Variants in MICAL3 observed in about 807,000 individuals in gnomAD.
The protein encoded by MICAL3 is microtubule associated monooxygenase, calponin and LIM domain containing 3.
In MICAL3, 62 loss-of-function variants were observed where a neutral mutation model predicts 207.4. That is an observed-to-expected ratio of 0.30 (90% CI 0.24 to 0.37). MICAL3 has a LOEUF of 0.37. Among genes scored for constraint, MICAL3 ranks in the 10% least tolerant of loss-of-function variants. MICAL3 has a pLI of 1.00. For missense variants in MICAL3, 2,368 were observed against 2,635.6 expected (o/e 0.90, Z 2.22); for synonymous variants, 1,077 against 1,069.3 (o/e 1.01, Z -0.14).
chr22:17,957,862 C>T (rs413717), intron 1 of MICAL3, among the ~76,000 whole-genome samples: 36,214 of 151,998 alleles, frequency 0.24, 4,913 homozygotes, highest in East Asian at 0.52. Flanking sequence ...GATCCCACCA[C>T]GGCAGCCTGT....
intron 19 of MICAL3, among the ~76,000 whole-genome samples, chr22:17,850,248 G>A (rs1925151113): frequency 6.6e-6 from 1 of 152,128 alleles, no homozygotes; most frequent in African/African-American, 2.4e-5. Context: ...CAAATGGGAG[G>A]GGGGCCACCC....
intron 16 of MICAL3, chr22:17,875,593 A>C (rs1160207044): frequency 7.4e-7 from 1 of 1,349,484 alleles, no homozygotes; most frequent in African/African-American, 1.5e-5. Flanking sequence ...AAGTAAAGGA[A>C]ATGTTAAATT....
At chr22:17,946,507 C>T (rs969159876) in intron 1 of MICAL3, among the ~76,000 whole-genome samples, 3 of 152,160 alleles carry the variant, frequency 2.0e-5, no homozygotes, top group Non-Finnish European at 4.4e-5. Flanking sequence ...CTCAGGCGAG[C>T]CTCTGTGAGA....
chr22:17,819,900 G>A (rs1381154316), intron 25 of MICAL3, among the ~76,000 whole-genome samples: 3 of 135,642 alleles, frequency 2.2e-5, no homozygotes, highest in African/African-American at 8.6e-5. Context: ...CCAAGATCGC[G>A]CCACTGCATC....
intron 27 of MICAL3, among the ~76,000 whole-genome samples, chr22:17,812,152 G>A (rs961205597): frequency 1.4e-4 from 21 of 152,236 alleles, no homozygotes; most frequent in African/African-American, 4.8e-4. Flanking sequence ...CCCCTGAACA[G>A]TCAGTCCCTA....
chr22:17,860,383 G>A, intron 19 of MICAL3: 1 of 985,456 alleles, frequency 1.0e-6, no homozygotes, highest in Non-Finnish European at 1.2e-6. Context: ...GCAGTGGCGT[G>A]TTCCTTGGCA....
intron 29 of MICAL3, among the ~76,000 whole-genome samples, chr22:17,798,270 T>G (rs1002401635): frequency 2.0e-5 from 3 of 152,242 alleles, no homozygotes; most frequent in Non-Finnish European, 4.4e-5. Context: ...AGGTGGAGGC[T>G]GGCCCCACAC....
At chr22:17,950,187 A>G (rs1254948900) in intron 1 of MICAL3, among the ~76,000 whole-genome samples, 2 of 135,640 alleles carry the variant, frequency 1.5e-5, no homozygotes, top group African/African-American at 6.9e-5. Context: ...TGGAGACAAG[A>G]GTCTCGCTCT....
intron 22 of MICAL3, among the ~76,000 whole-genome samples, 158 bp from the exon 23 acceptor site, chr22:17,823,218 G>A (rs1221394620): frequency 1.3e-5 from 2 of 152,248 alleles, no homozygotes; most frequent in African/African-American, 4.8e-5. Context: ...TCCACACGTA[G>A]CATGGGTGCT....
chr22:17,832,010 C>T lies in MICAL3; in HGVS notation c.2899G>A (p.Val967Met), dbSNP rs754366929. ...DLGGVPWKEAVRIHALLKGKS... is the reference protein window; with the variant it reads ...DLGGVPWKEAMRIHALLKGKS... Reference sequence around the variant, plus strand: ...CCTTTCAGAAGGGCATGGATCCGCACGGCCTCCTTCCACGGAACACCACCC... The same window carrying T: ...CCTTTCAGAAGGGCATGGATCCGCATGGCCTCCTTCCACGGAACACCACCC... Residue 967 changes from valine to methionine, a missense_variant, in exon 21 of 32, where the codon GTG (valine) becomes ATG (methionine). Transcript: ENST00000441493. The T allele has an allele frequency of 4.0e-5, 64 of 1,606,116 alleles. No individual in the cohort carries two copies. Among genetic ancestry groups the T allele is most frequent in the Non-Finnish European group, 4.9e-5 (58 of 1,176,542 alleles).
intron 19 of MICAL3, among the ~76,000 whole-genome samples, chr22:17,856,976 T>C (rs112075766): frequency 8.6e-4 from 131 of 152,340 alleles, no homozygotes; most frequent in African/African-American, 3.0e-3. Flanking sequence ...AGTAAAATGA[T>C]AGGAAAGAAA....
chr22:17,870,675 A>C (rs977997312), intron 17 of MICAL3, among the ~76,000 whole-genome samples: 1 of 152,196 alleles, frequency 6.6e-6, no homozygotes, highest in Non-Finnish European at 1.5e-5. Flanking sequence ...CTTGAGATCA[A>C]ATGAGCTATC....
At position 17,838,896 on chromosome 22, in the gene MICAL3, C is replaced by T. The variant is rs149905149; in HGVS notation, c.2801+2926G>A. 8.2e-3 allele frequency among the ~76,000 whole-genome samples: 1,239 copies of T among 151,424 alleles called. 14 individuals carry two copies. The highest frequency in any genetic ancestry group is 0.029 in the African/African-American group (1,184 of 41,158). Reference sequence around the variant, plus strand: ...AGAAAAACACCACGCACTTCCCGTCCTGTGTCCTACGGCCACCCAGGGAAG... The same window carrying T: ...AGAAAAACACCACGCACTTCCCGTCTTGTGTCCTACGGCCACCCAGGGAAG... On this transcript the variant is annotated intron_variant, in intron 20 of 31. Coordinates refer to ENST00000441493, the MANE Select transcript of MICAL3 (RefSeq NM_015241.3).
intron 20 of MICAL3, among the ~76,000 whole-genome samples, chr22:17,837,755 T>A (rs117934697): frequency 0.019 from 2,820 of 152,360 alleles, 52 homozygotes; most frequent in South Asian, 0.088. Flanking sequence ...GAATTGATTA[T>A]GAGACTCACC....
chr22:17,898,591 T>C (rs764503581), intron 7 of MICAL3, among the ~76,000 whole-genome samples: 60 of 152,252 alleles, frequency 3.9e-4, no homozygotes, highest in Non-Finnish European at 7.2e-4. Context: ...GAAATTCAGC[T>C]GTGAGTCTCT....
chr22:17,971,890 C>T (rs981277310), intron 1 of MICAL3, among the ~76,000 whole-genome samples: 1 of 152,232 alleles, frequency 6.6e-6, no homozygotes. Context: ...TGCACCGGCA[C>T]AGGCGACAAT....
At chr22:17,828,691 G>T (rs956771759) in intron 21 of MICAL3, among the ~76,000 whole-genome samples, 4 of 152,166 alleles carry the variant, frequency 2.6e-5, no homozygotes, top group Non-Finnish European at 5.9e-5. Flanking sequence ...GGCCCCTCTG[G>T]ATCCCTGCCC....
chr22:18,013,403 G>A (rs1341296258), intron 1 of MICAL3, among the ~76,000 whole-genome samples: 4 of 152,160 alleles, frequency 2.6e-5, no homozygotes, highest in African/African-American at 4.8e-5. Context: ...TCCTGTTTTA[G>A]TACAGGTAGC....
rs530434886 is a variant in MICAL3, at chr22:17,999,182, C to A, written c.-75+25099G>T. On this transcript the variant is annotated intron_variant, in intron 1 of 31. Transcript: ENST00000441493. ...ACAACCAAAATCCTCACCTGCAGGA[C>A]TACTCGACAGATGCAGGAAAGGGTC... 7.9e-5 allele frequency among the ~76,000 whole-genome samples: 12 copies of A among 152,336 alleles called. No individual in the cohort carries two copies. The South Asian group carries it at 2.3e-3, about 29-fold the overall frequency.
Sources: allele counts gnomAD v4.1 joint callset (sites outside exome capture counted in the v4.1 genomes callset), GRCh38; gene constraint gnomAD v4.1.1; transcripts MANE v1.5; gene names NCBI Gene and HGNC (gene_info 2026-07-23, HGNC 2026-07-21).